The following NKAIN3 variants were observed in gnomAD, a reference collection of about 807,000 sequenced individuals.
NKAIN3 encodes sodium/potassium transporting ATPase interacting 3.
A neutral mutation model predicts 30.2 loss-of-function variants in NKAIN3; 25 were observed. That is an observed-to-expected ratio of 0.83 (90% CI 0.60 to 1.16). The LOEUF (loss-of-function observed/expected upper bound fraction) is 1.16, where lower values mean the gene tolerates loss of function less well. Ranked by LOEUF, NKAIN3 falls within the 50% of genes most tolerant of loss-of-function variation. NKAIN3 has a pLI of 0.00. For synonymous variants in NKAIN3, 91 were observed against 89.6 expected (o/e 1.02, Z -0.09); for missense variants, 225 against 254.1 (o/e 0.89, Z 0.78).
chr8:62,266,052 G>T (rs1450177723), intron 1 of NKAIN3, among the ~76,000 whole-genome samples: 1 of 152,048 alleles, frequency 6.6e-6, no homozygotes, highest in Non-Finnish European at 1.5e-5. Flanking sequence ...TCTCCTTACT[G>T]TGTCCCTCTG....
chr8:62,531,233 A>G (rs1476931769), intron 1 of NKAIN3, among the ~76,000 whole-genome samples: 2 of 152,134 alleles, frequency 1.3e-5, no homozygotes, highest in African/African-American at 2.4e-5. Context: ...GGTACCTCTC[A>G]TGTCGTTTTA....
intron 1 of NKAIN3, among the ~76,000 whole-genome samples, chr8:62,379,124 A>G (rs1162475779): frequency 6.6e-6 from 1 of 152,168 alleles, no homozygotes; most frequent in South Asian, 2.1e-4. Context: ...TTAAGGTTTA[A>G]TGACAACTCT....
intron 1 of NKAIN3, among the ~76,000 whole-genome samples, chr8:62,513,929 A>G (rs2129749668): frequency 6.6e-6 from 1 of 151,496 alleles, no homozygotes; most frequent in East Asian, 2.0e-4. Context: ...AGGAGATGAC[A>G]TGGAACTTAG....
At chr8:62,922,209 G>A (rs373327932) in intron 5 of NKAIN3, among the ~76,000 whole-genome samples, 39 of 152,208 alleles carry the variant, frequency 2.6e-4, no homozygotes, top group Admixed American at 8.5e-4. Flanking sequence ...GGAAGGAAGC[G>A]TAACTATCGG....
chr8:62,723,945 T>A (rs910774867), intron 3 of NKAIN3, among the ~76,000 whole-genome samples: 1 of 152,146 alleles, frequency 6.6e-6, no homozygotes, highest in Non-Finnish European at 1.5e-5. Flanking sequence ...AACTTCTTAC[T>A]GTGTTTTCTC....
intron 4 of NKAIN3, among the ~76,000 whole-genome samples, chr8:62,883,459 T>TGTTGTTG (rs1554588081): frequency 1.9e-4 from 15 of 78,370 alleles, no homozygotes; most frequent in Non-Finnish European, 2.9e-4. Context: ...TTTTATGGGT[T>TGTTGTTG]TTTTTTTTTT....
intron 3 of NKAIN3, among the ~76,000 whole-genome samples, chr8:62,644,934 T>G: frequency 6.6e-6 from 1 of 152,172 alleles, no homozygotes. Flanking sequence ...ATATCATCTC[T>G]GGAAAATGTG....
intron 3 of NKAIN3, among the ~76,000 whole-genome samples, chr8:62,620,512 A>T (rs934742643): frequency 2.0e-5 from 3 of 152,154 alleles, no homozygotes; most frequent in Admixed American, 2.0e-4. Flanking sequence ...ACAATTTAAG[A>T]GATGCAGGGG....
chr8:62,633,840 C>G (rs1328233573), intron 3 of NKAIN3, among the ~76,000 whole-genome samples: 1 of 152,126 alleles, frequency 6.6e-6, no homozygotes. Flanking sequence ...GCAGCCATTC[C>G]TACAAGAGGT....
intron 1 of NKAIN3, among the ~76,000 whole-genome samples, chr8:62,437,908 A>G (rs1242186378): frequency 6.6e-6 from 1 of 152,224 alleles, no homozygotes; most frequent in Non-Finnish European, 1.5e-5. Flanking sequence ...TTATTTCTAA[A>G]ACAGCTGAAA....
intron 1 of NKAIN3, among the ~76,000 whole-genome samples, chr8:62,343,125 C>T (rs1357054418): frequency 6.6e-6 from 1 of 151,954 alleles, no homozygotes; most frequent in East Asian, 1.9e-4. Flanking sequence ...ACTTTGGAGC[C>T]TGCATAAGAG....
At chr8:62,910,928 AC>A (rs1821908476) in intron 4 of NKAIN3, among the ~76,000 whole-genome samples, 1 of 152,198 alleles carries the variant, frequency 6.6e-6, no homozygotes, top group African/African-American at 2.4e-5. Context: ...CAATGGATGA[AC>A]CAGTAAATGC....
intron 1 of NKAIN3, among the ~76,000 whole-genome samples, chr8:62,252,752 T>G (rs912097307): frequency 2.0e-5 from 3 of 152,258 alleles, no homozygotes; most frequent in African/African-American, 7.2e-5. Context: ...AGTACATTTT[T>G]TTTGTAAGGA....
chr8:62,915,522 T>C (rs1410465195), intron 4 of NKAIN3, among the ~76,000 whole-genome samples: 2 of 152,202 alleles, frequency 1.3e-5, no homozygotes, highest in African/African-American at 4.8e-5. Context: ...GTAAGGCCCA[T>C]TTCAGACACC....
At chr8:62,382,862 C>T (rs1817319646) in intron 1 of NKAIN3, among the ~76,000 whole-genome samples, 1 of 152,176 alleles carries the variant, frequency 6.6e-6, no homozygotes, top group Non-Finnish European at 1.5e-5. Flanking sequence ...TTGATTGGCT[C>T]TGTCAGAAAT....
intron 2 of NKAIN3, among the ~76,000 whole-genome samples, chr8:62,588,083 A>G (rs1810534526): frequency 6.6e-6 from 1 of 151,722 alleles, no homozygotes; most frequent in Non-Finnish European, 1.5e-5. Context: ...TCTTTTCCTA[A>G]TCTTTTTCAA....
chr8:62,624,783 G>A (rs1287178885), intron 3 of NKAIN3, among the ~76,000 whole-genome samples: 1 of 144,720 alleles, frequency 6.9e-6, no homozygotes, highest in Non-Finnish European at 1.5e-5. Flanking sequence ...TGAACATTCT[G>A]CTTTTTTTTT....
intron 1 of NKAIN3, among the ~76,000 whole-genome samples, chr8:62,512,029 T>C (rs759524173): frequency 6.6e-6 from 1 of 152,156 alleles, no homozygotes; most frequent in Non-Finnish European, 1.5e-5. Flanking sequence ...ATTCCCACTA[T>C]CTTGTATGAT....
chr8:62,783,223 GT>G (rs1817411610), intron 4 of NKAIN3, among the ~76,000 whole-genome samples: 1 of 152,092 alleles, frequency 6.6e-6, no homozygotes, highest in African/African-American at 2.4e-5. Flanking sequence ...AAACAGTGGG[GT>G]TTTTAGTAAG....
Sources: allele counts gnomAD v4.1 joint callset (sites outside exome capture counted in the v4.1 genomes callset), GRCh38; gene constraint gnomAD v4.1.1; transcripts MANE v1.5; gene names NCBI Gene and HGNC (gene_info 2026-07-23, HGNC 2026-07-21).